The following PATJ variants were observed in gnomAD, a reference collection of about 807,000 sequenced individuals.
PATJ encodes PATJ crumbs cell polarity complex component, also known as inaD-like protein.
Under a neutral mutation model 224.9 loss-of-function variants are expected in PATJ, and 190 were observed. That is an observed-to-expected ratio of 0.84 (90% confidence interval 0.75 to 0.95). The LOEUF is 0.95. Among genes scored for constraint, PATJ ranks in the 40% least tolerant of loss-of-function variants. PATJ has a pLI of 0.00. For missense variants in PATJ, 2,121 were observed against 2,270.3 expected, an observed-to-expected ratio of 0.93 and a Z score of 1.34; for synonymous variants, 769 against 820.3, an observed-to-expected ratio of 0.94 and a Z score of 1.07.
At chr1:62,075,549 T>A (rs1658141421) in intron 31 of PATJ, among the ~76,000 whole-genome samples, 1 of 152,186 alleles carries the variant, frequency 6.6e-6, no homozygotes. Flanking sequence ...CTTAGCAACA[T>A]ATACCTTCTT....
At chr1:62,007,623 A>T (rs948966484) in intron 28 of PATJ, among the ~76,000 whole-genome samples, 3 of 152,212 alleles carry the variant, frequency 2.0e-5, no homozygotes, top group Admixed American at 2.0e-4. Flanking sequence ...TAGTTCAAAT[A>T]ATTGTCCCAG....
intron 33 of PATJ, among the ~76,000 whole-genome samples, chr1:62,093,806 A>G (rs1163899134): frequency 6.6e-6 from 1 of 152,192 alleles, no homozygotes; most frequent in African/African-American, 2.4e-5. Flanking sequence ...ATAAGTCTAT[A>G]TTTCTGTATG....
At chr1:62,007,186 C>T (rs998909310) in intron 28 of PATJ, among the ~76,000 whole-genome samples, 5 of 152,090 alleles carry the variant, frequency 3.3e-5, no homozygotes, top group South Asian at 4.2e-4. Context: ...TGCTACTGAA[C>T]GACATTTTAT....
At position 61,800,315 on chromosome 1, in the gene PATJ, T is replaced by C. The variant is rs566836570; in HGVS notation, c.1403-1308T>C. On this transcript the variant is annotated intron_variant, in intron 11 of 43. Coordinates refer to ENST00000642238, the MANE Select transcript of PATJ (RefSeq NM_001350145.3). ...ATTCTGACTGATATGAGATGGTATCTCATTGTGGTTTGAATGTGGATTTAA... is the reference window on the plus strand; with the variant it reads ...ATTCTGACTGATATGAGATGGTATCCCATTGTGGTTTGAATGTGGATTTAA... Among the ~76,000 whole-genome samples, 15 of 152,352 alleles carry C rather than the reference T, an allele frequency of 9.8e-5. 1 individual carries two copies. The South Asian group carries it at 3.1e-3, about 32-fold the overall frequency.
chr1:61,913,354 G>T (rs549674151), intron 25 of PATJ, among the ~76,000 whole-genome samples: 51 of 152,200 alleles, frequency 3.4e-4, no homozygotes, highest in Non-Finnish European at 4.9e-4. Flanking sequence ...GATTACAGGC[G>T]CACGCCAACA....
chr1:61,989,986 A>G (rs3762445), intron 27 of PATJ, among the ~76,000 whole-genome samples, 182 bp from the exon 28 acceptor site: 8,935 of 152,120 alleles, frequency 0.059, 642 homozygotes, highest in East Asian at 0.39. Flanking sequence ...GTAGTGTGCT[A>G]TAGTCACACC....
intron 27 of PATJ, among the ~76,000 whole-genome samples, chr1:61,939,257 C>A (rs978409817): frequency 2.5e-4 from 37 of 148,932 alleles, no homozygotes; most frequent in African/African-American, 8.1e-4. Flanking sequence ...ATTATTATTA[C>A]CAAAACAATA....
rs532780058 is a variant in PATJ, at chr1:62,017,725, G to A, written c.3868-131G>A. On this transcript the variant is annotated intron_variant, in intron 28 of 43. Transcript: ENST00000642238. The stretch of plus-strand genomic sequence containing the variant: ...CCAGCCTGGGCGACAGAGTGAGACT[G>A]TCTCAAAAAAAAAAAAAAAAAAGAA... 2.4e-3 allele frequency: 1,115 copies of A among 466,574 alleles called. 14 individuals are homozygous for A. In the African/African-American group the frequency reaches 0.025, roughly 11 times the overall value. 28.9% of individuals were successfully genotyped at this position (466,574 alleles called of 1,614,324 possible).
intron 1 of PATJ, among the ~76,000 whole-genome samples, chr1:61,743,180 C>T (rs1207375528): frequency 1.3e-5 from 2 of 152,340 alleles, no homozygotes; most frequent in African/African-American, 2.4e-5. Flanking sequence ...GCCCTGGGCT[C>T]TGCCAGCCTT....
intron 33 of PATJ, among the ~76,000 whole-genome samples, chr1:62,103,783 C>T (rs1368024068): frequency 4.6e-5 from 7 of 151,350 alleles, no homozygotes; most frequent in Non-Finnish European, 7.4e-5. Flanking sequence ...AGCAATCTAT[C>T]GCTTCCTTAC....
At chr1:61,959,408 T>G (rs892390180) in intron 27 of PATJ, among the ~76,000 whole-genome samples, 2 of 135,938 alleles carry the variant, frequency 1.5e-5, no homozygotes, top group African/African-American at 2.6e-5. Flanking sequence ...CCTATATATA[T>G]ATTATATATA....
At chr1:61,914,262 C>T (rs1673100778) in intron 25 of PATJ, among the ~76,000 whole-genome samples, 1 of 152,096 alleles carries the variant, frequency 6.6e-6, no homozygotes, top group African/African-American at 2.4e-5. Flanking sequence ...TTGAGAGCAG[C>T]TTGGCCAACA....
At chr1:61,746,080 C>T (rs1645009268) in intron 1 of PATJ, among the ~76,000 whole-genome samples, 1 of 149,756 alleles carries the variant, frequency 6.7e-6, no homozygotes, top group South Asian at 2.1e-4. Context: ...AGGTGTGCGC[C>T]ACCACCACTG....
intron 28 of PATJ, chr1:62,013,550 T>C: frequency 2.1e-6 from 2 of 958,262 alleles, no homozygotes; most frequent in Non-Finnish European, 2.5e-6. Context: ...GTGCCTGCGC[T>C]GATGGTTACT....
At position 61,797,285 on chromosome 1, in the gene PATJ, A is replaced by G; in HGVS notation, c.1261-2A>G. 1 of 1,610,196 alleles carries G rather than the reference A, an allele frequency of 6.2e-7. No individual in the cohort carries two copies. Among genetic ancestry groups the G allele is most frequent in the South Asian group, 1.1e-5 (1 of 90,926 alleles). ...TGCTTAATGTTTCTCTTGATGTTTT[A>G]GGTCGATGGCGTGAACATTCAGGGT... is the stretch of plus-strand genomic sequence containing the variant. On this transcript the variant is annotated splice_acceptor_variant, in intron 10 of 43. Coordinates refer to ENST00000642238, the MANE Select transcript of PATJ (RefSeq NM_001350145.3). LOFTEE classifies it high-confidence loss of function.
chr1:61,833,507 C>A, intron 16 of PATJ, 147 bp from the exon 17 acceptor site: 1 of 670,614 alleles, frequency 1.5e-6, no homozygotes, highest in Non-Finnish European at 2.4e-6. Flanking sequence ...CCAGAGCATG[C>A]CCCTTTTACA....
rs34267345 is a variant in PATJ, at chr1:61,965,121, C to CAAAAAAAAAAAAAAAAAAAAAA, written c.3671-25028_3671-25007dup. On this transcript the variant is annotated intron_variant, in intron 27 of 43. Coordinates refer to ENST00000642238, the MANE Select transcript of PATJ (RefSeq NM_001350145.3). ...TGGGCCACTGAAGGAGACTCTGTCTCAAAAAAAAAAAAAAAAAAAAAAAAA... is the reference window on the plus strand; with the variant it reads ...TGGGCCACTGAAGGAGACTCTGTCTCAAAAAAAAAAAAAAAAAAAAAAAAAAAAAAAAAAAAAAAAAAAAAAA... Among the ~76,000 whole-genome samples, 20 of 54,382 alleles carry CAAAAAAAAAAAAAAAAAAAAAA rather than the reference C, an allele frequency of 3.7e-4. 3 individuals carry two copies. The highest frequency in any genetic ancestry group is 5.7e-4 in the Non-Finnish European group (19 of 33,044). The allele number at this position is 54,382 out of a possible 152,430, so 35.7% of individuals were successfully genotyped here.
intron 16 of PATJ, among the ~76,000 whole-genome samples, chr1:61,831,715 A>G (rs1659357053): frequency 6.6e-6 from 1 of 152,198 alleles, no homozygotes; most frequent in African/African-American, 2.4e-5. Flanking sequence ...AAAGGAAACA[A>G]TTAGCACTGC....
At chr1:61,947,796 G>T (rs1036848431) in intron 27 of PATJ, among the ~76,000 whole-genome samples, 1 of 152,060 alleles carries the variant, frequency 6.6e-6, no homozygotes, top group Non-Finnish European at 1.5e-5. Context: ...GAGTCATCTC[G>T]CTACCTGACT....
Sources: allele counts gnomAD v4.1 joint callset (sites outside exome capture counted in the v4.1 genomes callset), GRCh38; gene constraint gnomAD v4.1.1; transcripts MANE v1.5; gene names NCBI Gene and HGNC (gene_info 2026-07-23, HGNC 2026-07-21).